Variants in RAB37 observed in about 807,000 individuals in gnomAD.
RAB37 encodes the protein ras-related protein Rab-37.
RAB37 carries 29 observed loss-of-function variants against 33.1 expected under a neutral mutation model. That is an observed-to-expected ratio of 0.88 (90% CI 0.65 to 1.20). The LOEUF (loss-of-function observed/expected upper bound fraction) is 1.20, where lower values mean the gene tolerates loss of function less well. Among genes scored for constraint, RAB37 ranks in the 50% most tolerant of loss-of-function variants. The pLI is 0.00. For synonymous variants in RAB37, 128 were observed against 119.5 expected (o/e 1.07, Z -0.47); for missense variants, 299 against 301.1 (o/e 0.99, Z 0.05).
chr17:74,713,847 G>A (rs1598298654), intron 1 of RAB37, among the ~76,000 whole-genome samples: 1 of 126,860 alleles, frequency 7.9e-6, no homozygotes, highest in East Asian at 2.6e-4. Flanking sequence ...AAGATCACTT[G>A]AGGCCAGGAG....
upstream of RAB37, chr17:74,736,953 G>A (rs1017969902): frequency 5.2e-6 from 8 of 1,528,044 alleles, no homozygotes; most frequent in Non-Finnish European, 7.0e-6. Context: ...CGGGGTCCCC[G>A]CGGCCCGCTC....
chr17:74,712,773 C>T, intron 1 of RAB37: 1 of 1,606,992 alleles, frequency 6.2e-7, no homozygotes, highest in Non-Finnish European at 8.5e-7. Context: ...TCTCAGCCAC[C>T]TCCTCCTGCT....
At chr17:74,694,990 G>T in intron 1 of RAB37, 1 of 1,250,852 alleles carries the variant, frequency 8.0e-7, no homozygotes, top group Non-Finnish European at 1.1e-6. Context: ...TCAGGCAGAG[G>T]CACCAGTCCC....
chr17:74,672,007 A>G (rs908709525), intron 1 of RAB37, among the ~76,000 whole-genome samples: 3 of 152,008 alleles, frequency 2.0e-5, no homozygotes, highest in African/African-American at 7.3e-5. Flanking sequence ...TCCCTGTTAC[A>G]TCTGCTAGCA....
In RAB37 at chr17:74,729,464, G is replaced by A; in HGVS notation, c.183+98G>A. 1 of 843,636 alleles carries A rather than the reference G, an allele frequency of 1.2e-6. No individual in the cohort carries two copies. The highest frequency in any genetic ancestry group is 2.1e-6 in the Non-Finnish European group (1 of 481,764). 52.3% of individuals were successfully genotyped at this position (843,636 alleles called of 1,614,324 possible). ...AGGAAACAGGTGGACACTCGCATTG[G>A]ATCATTCAAGGAGGATTAAGGAGAA... On this transcript the variant is annotated intron_variant, in intron 2 of 7. Transcript: ENST00000340415. This position sits in a 1 kb window ranked among gnomAD's most constrained non-coding sequence, Gnocchi z 4.2.
At chr17:74,678,643 T>C (rs2031891044) in intron 1 of RAB37, among the ~76,000 whole-genome samples, 3 of 152,048 alleles carry the variant, frequency 2.0e-5, no homozygotes, top group Admixed American at 2.0e-4. Context: ...TCTTACTTGC[T>C]AGCCTTCTGC....
In RAB37 at chr17:74,740,974, G is replaced by A. The variant is rs911644842; in HGVS notation, c.204+96G>A. On this transcript the variant is annotated intron_variant, in intron 2 of 8. Transcript: ENST00000392613. The stretch of plus-strand genomic sequence containing the variant: ...CCACCTTGCTCACCCTGGCTCCCAG[G>A]GACTCCCGAGGCTCATGCCTGGAGG... 1.0e-5 allele frequency: 9 copies of A among 890,532 alleles called. No individual in the cohort carries two copies. In the African/African-American group the frequency reaches 1.5e-4, roughly 15 times the overall value. The allele number at this position is 890,532 out of a possible 1,614,324, so 55.2% of individuals were successfully genotyped here.
intron 1 of RAB37, among the ~76,000 whole-genome samples, chr17:74,680,736 C>T (rs1013914854): frequency 3.3e-5 from 5 of 152,102 alleles, no homozygotes; most frequent in African/African-American, 1.2e-4. Context: ...GAACTCCTTG[C>T]CTTTGAGCTT....
At chr17:74,691,913 T>G (rs2032163909) in intron 1 of RAB37, among the ~76,000 whole-genome samples, 1 of 151,406 alleles carries the variant, frequency 6.6e-6, no homozygotes, top group African/African-American at 2.4e-5. Context: ...TCACCCAGGC[T>G]GGAGTGCAGT....
Position 74,740,753 on chromosome 17 carries a change from G to A in RAB37, c.94-15G>A. 6.3e-7 allele frequency: 1 copy of A among 1,590,470 alleles called. No homozygotes were observed. ...CCCTGACTCCCCATTAACTGCCTCT[G>A]CCCCTACCCCCTAGGTGATGCTTCT... is the stretch of plus-strand genomic sequence containing the variant. On this transcript the variant is annotated splice_polypyrimidine_tract_variant and intron_variant, in intron 1 of 8. Transcript: ENST00000392613.
Position 74,744,242 on chromosome 17 carries a change from C to T in RAB37, c.367-66C>T, listed in dbSNP as rs1404710929. ...TAGTGAGTAACTGAGGATAGTCAAA[C>T]GGAGCAGAAGAAGAAAGGGGCAGCA... On this transcript the variant is annotated intron_variant, in intron 5 of 8. Transcript: ENST00000392613. This position sits in a 1 kb window ranked among gnomAD's most constrained non-coding sequence, Gnocchi z 4.2. The T allele has an allele frequency of 3.4e-6, 5 of 1,467,410 alleles. No homozygotes were observed. Among genetic ancestry groups the T allele is most frequent in the East Asian group, 4.5e-5 (2 of 44,034 alleles). The allele number at this position is 1,467,410 out of a possible 1,614,324, so 90.9% of individuals were successfully genotyped here. A position where few individuals can be genotyped will look rare whatever the true frequency, so the allele number is the denominator to read the frequency against.
At chr17:74,739,534 T>G (rs1246092841) in intron 1 of RAB37, among the ~76,000 whole-genome samples, 2 of 148,008 alleles carry the variant, frequency 1.4e-5, no homozygotes, top group African/African-American at 2.5e-5. Context: ...CCTTTTTTTT[T>G]TTTTTTTTTT....
At chr17:74,737,057 G>A (rs1217654693), upstream of RAB37, 1 of 1,609,138 alleles carries the variant, frequency 6.2e-7, no homozygotes, top group South Asian at 1.1e-5. Flanking sequence ...TGTTGCTCAG[G>A]GAGGCTGCCC....
intron 1 of RAB37, among the ~76,000 whole-genome samples, chr17:74,697,584 C>T (rs1056283728): frequency 1.3e-5 from 2 of 152,138 alleles, no homozygotes; most frequent in Non-Finnish European, 2.9e-5. Flanking sequence ...TTGGAGGGAA[C>T]CCTGTGAGAG....
At chr17:74,711,899 CTTTTTTCTT>C (rs2033989962) in intron 1 of RAB37, among the ~76,000 whole-genome samples, 1 of 143,556 alleles carries the variant, frequency 7.0e-6, no homozygotes. Context: ...TTTCTTTTTT[CTTTTTTCTT>C]TTTTTTTTTT....
At chr17:74,700,809 C>A (rs763382575) in intron 1 of RAB37, among the ~76,000 whole-genome samples, 1 of 151,874 alleles carries the variant, frequency 6.6e-6, no homozygotes, top group South Asian at 2.1e-4. Flanking sequence ...TACACCACCA[C>A]CCCCCCACCC....
At chr17:74,702,439 G>A (rs2033138943) in intron 1 of RAB37, among the ~76,000 whole-genome samples, 1 of 152,222 alleles carries the variant, frequency 6.6e-6, no homozygotes, top group Non-Finnish European at 1.5e-5. Context: ...TGGGGTGGTT[G>A]TAGGAAAGGT....
chr17:74,704,724 A>G (rs1386603094), intron 1 of RAB37: 2 of 1,614,074 alleles, frequency 1.2e-6, no homozygotes, highest in Non-Finnish European at 1.7e-6. Context: ...TAGGTCTCCC[A>G]GCCTGATCTG....
At chr17:74,703,139 C>A in intron 1 of RAB37, 1 of 1,612,940 alleles carries the variant, frequency 6.2e-7, no homozygotes, top group South Asian at 1.1e-5. Flanking sequence ...GGGCAGGAGT[C>A]GACGCTGTAG....
Sources: gnomAD v4.1 joint callset for allele counts (sites outside exome capture counted in the v4.1 genomes callset) on GRCh38, gnomAD v4.1.1 for gene constraint, Gnocchi (gnomAD v3.1) non-coding constraint, MANE v1.5 for transcripts, NCBI Gene and HGNC (gene_info 2026-07-23, HGNC 2026-07-21) for gene names.